EPHB2: variants seen among roughly 807,000 people sequenced by gnomAD.
EPHB2 encodes the protein EPH receptor B2.
In EPHB2, 18 loss-of-function variants were observed where a neutral mutation model predicts 96.4. The ratio of observed to expected loss-of-function variants is 0.19; its 90% CI spans 0.13 to 0.28. The LOEUF (loss-of-function observed/expected upper bound fraction) is 0.28. Ranked by LOEUF, EPHB2 falls within the 10% of genes least tolerant of loss-of-function variation. The pLI, the probability that EPHB2 is intolerant of heterozygous loss-of-function variation, is 1.00. For synonymous variants in EPHB2, 506 were observed against 534.1 expected (o/e 0.95, Z 0.72); for missense variants, 989 against 1,355.4 (o/e 0.73, Z 4.25).
chr1:22,865,971 A>G (rs1360937123), intron 5 of EPHB2, among the ~76,000 whole-genome samples: 1 of 151,328 alleles, frequency 6.6e-6, no homozygotes, highest in East Asian at 1.9e-4. Flanking sequence ...GTTGCCGGCC[A>G]CCACAGTCTC....
intron 5 of EPHB2, among the ~76,000 whole-genome samples, chr1:22,879,293 CT>C (rs1638951706): frequency 6.6e-6 from 1 of 152,218 alleles, no homozygotes; most frequent in African/African-American, 2.4e-5. Context: ...GATTGGGGTG[CT>C]TCCCGGGCCA....
At chr1:22,797,792 C>G (rs1293394919) in intron 3 of EPHB2, among the ~76,000 whole-genome samples, 1 of 152,180 alleles carries the variant, frequency 6.6e-6, no homozygotes, top group Non-Finnish European at 1.5e-5. Context: ...TCTCACCTTT[C>G]TGACCGGTCT....
Position 22,914,032 on chromosome 1 carries a change from G to T in EPHB2, c.*462G>T. ...GCCGCCCTTGGCTCCTGTCCCTGCT[G>T]CTCCTCTAGGCCTCACTCAACAACC... On this transcript the variant is annotated 3_prime_UTR_variant, in exon 16 of 16. Coordinates refer to ENST00000374630, the MANE Select transcript of EPHB2 (RefSeq NM_017449.5). The T allele has an allele frequency of 5.5e-6, 5 of 914,696 alleles. No individual in the cohort carries two copies. The South Asian group carries it at 9.2e-5, about 17-fold the overall frequency. 56.7% of individuals were successfully genotyped at this position (914,696 alleles called of 1,614,324 possible).
chr1:22,724,698 A>G (rs1643543734), intron 1 of EPHB2, among the ~76,000 whole-genome samples: 1 of 152,194 alleles, frequency 6.6e-6, no homozygotes, highest in Non-Finnish European at 1.5e-5. Flanking sequence ...CCATCAGAGC[A>G]CAGCCCAGAG....
intron 9 of EPHB2, among the ~76,000 whole-genome samples, chr1:22,900,468 TA>T (rs147690045): frequency 1.1e-3 from 163 of 152,260 alleles, no homozygotes; most frequent in African/African-American, 2.2e-3. Context: ...TCACTTTGAA[TA>T]GGGGGAAACT....
chr1:22,913,470 T>G lies in EPHB2; in HGVS notation c.2861T>G (p.Leu954Arg), dbSNP rs1216691886. The part of the protein sequence containing the change: ...VVSQMMMEDI[L>R]RVGVTLAGHQ... ...GTGCTTCTCTCCCAAAGGGACATTC[T>G]CCGGGTTGGGGTCACTTTGGCTGGC... Residue 954 changes from leucine (L) to arginine (R), a missense_variant, in exon 16 of 16, where the codon CTC (leucine) becomes CGC (arginine). Transcript: ENST00000374630. This position sits in a 1 kb window ranked among gnomAD's most constrained non-coding sequence, Gnocchi z 4.1. 1 of 1,614,102 alleles carries G rather than the reference T, an allele frequency of 6.2e-7. No homozygotes were observed.
chr1:22,786,969 G>A (rs2148428138), intron 3 of EPHB2, among the ~76,000 whole-genome samples: 1 of 152,334 alleles, frequency 6.6e-6, no homozygotes, highest in Non-Finnish European at 1.5e-5. Flanking sequence ...CAGTGTGTGG[G>A]TGGCAGAACA....
intron 1 of EPHB2, among the ~76,000 whole-genome samples, chr1:22,738,174 A>G (rs1391980055): frequency 6.6e-6 from 1 of 152,220 alleles, no homozygotes; most frequent in Non-Finnish European, 1.5e-5. Flanking sequence ...GATGATTTAT[A>G]CAGAAGCACA....
At chr1:22,904,561 C>A in intron 9 of EPHB2, among the ~76,000 whole-genome samples, 1 of 152,106 alleles carries the variant, frequency 6.6e-6, no homozygotes, top group East Asian at 1.9e-4. Flanking sequence ...AAACAAATAC[C>A]CACACAAATA....
chr1:22,731,921 G>A (rs1036407660), intron 1 of EPHB2, among the ~76,000 whole-genome samples: 4 of 152,194 alleles, frequency 2.6e-5, no homozygotes, highest in African/African-American at 7.2e-5. Context: ...GCTTTTGTGC[G>A]GCCTGTGCCC....
intron 1 of EPHB2, among the ~76,000 whole-genome samples, chr1:22,722,962 G>C (rs186692829): frequency 6.6e-6 from 1 of 152,224 alleles, no homozygotes; most frequent in Non-Finnish European, 1.5e-5. Flanking sequence ...TAGGAGGCCC[G>C]TGAGTGTGTG....
Position 22,898,118 on chromosome 1 carries a change from CAAA to C in EPHB2, c.1765+1654_1765+1656del, listed in dbSNP as rs61075593. Among the ~76,000 whole-genome samples the C allele has an allele frequency of 5.7e-3, 362 of 63,748 alleles. 2 individuals are homozygous for C. The highest frequency in any genetic ancestry group is 0.013 in the African/African-American group (339 of 26,376). 41.8% of individuals were successfully genotyped at this position (63,748 alleles called of 152,430 possible). A position where few individuals can be genotyped will look rare whatever the true frequency, so the allele number is the denominator to read the frequency against. On this transcript the variant is annotated intron_variant, in intron 9 of 15. Transcript: ENST00000374630. ...TGGGTGACAGAGCAAGACCCAGTCT[CAAA>C]AAAAAAAAAAAAACAAAAGAAAAAA...
At chr1:22,887,994 A>G (rs577772555) in intron 6 of EPHB2, among the ~76,000 whole-genome samples, 21 of 152,234 alleles carry the variant, frequency 1.4e-4, no homozygotes, top group African/African-American at 5.1e-4. Flanking sequence ...TTTAATGAAC[A>G]TGGGAAAGGG....
intron 7 of EPHB2, among the ~76,000 whole-genome samples, chr1:22,893,804 C>T (rs778979735): frequency 7.9e-5 from 12 of 152,212 alleles, no homozygotes; most frequent in Non-Finnish European, 1.6e-4. Flanking sequence ...AGGGTTGGCA[C>T]TAAGTCCCAA....
chr1:22,735,267 A>T lies in EPHB2; in HGVS notation c.61+24224A>T, dbSNP rs538606345. Among the ~76,000 whole-genome samples the T allele has an allele frequency of 3.3e-5, 5 of 152,058 alleles. No individual in the cohort carries two copies. In the East Asian group the frequency reaches 9.7e-4, roughly 29 times the overall value. ...AGCTTGGGCAACACAGTGTGACCCC[A>T]TCTCTACTAAATTTTTTTTTAATTA... On this transcript the variant is annotated intron_variant, in intron 1 of 15. Transcript: ENST00000374630.
At chr1:22,719,210 C>A (rs947345856) in intron 1 of EPHB2, among the ~76,000 whole-genome samples, 13 of 152,072 alleles carry the variant, frequency 8.5e-5, no homozygotes, top group Non-Finnish European at 1.5e-5. Flanking sequence ...GCTCATCAGG[C>A]CTTCACAGCC....
intron 2 of EPHB2, among the ~76,000 whole-genome samples, chr1:22,782,181 T>C (rs1644542696): frequency 6.6e-6 from 1 of 152,164 alleles, no homozygotes; most frequent in South Asian, 2.1e-4. Flanking sequence ...TTCCTTAATC[T>C]CTCTGAGCTT....
At position 22,913,931 on chromosome 1, in the gene EPHB2, A is replaced by G. The variant is rs1225126994; in HGVS notation, c.*361A>G. ...CGGAGACAAAAGCAGTTTCTCTCCAACTCCCTCTGGGAAGGTGACCTGGCC... is the reference window on the plus strand; with the variant it reads ...CGGAGACAAAAGCAGTTTCTCTCCAGCTCCCTCTGGGAAGGTGACCTGGCC... On this transcript the variant is annotated 3_prime_UTR_variant, in exon 16 of 16. Transcript: ENST00000374630. This position sits in a 1 kb window ranked among gnomAD's most constrained non-coding sequence, Gnocchi z 4.1. The G allele has an allele frequency of 3.4e-6, 5 of 1,488,068 alleles. No individual in the cohort carries two copies. Among genetic ancestry groups the G allele is most frequent in the Middle Eastern group, 1.8e-4 (1 of 5,612 alleles). The allele number at this position is 1,488,068 out of a possible 1,614,324, so 92.2% of individuals were successfully genotyped here.
At chr1:22,788,050 T>G (rs1644637197) in intron 3 of EPHB2, among the ~76,000 whole-genome samples, 1 of 152,190 alleles carries the variant, frequency 6.6e-6, no homozygotes, top group African/African-American at 2.4e-5. Flanking sequence ...TTTTATAACC[T>G]AATCCAGAAG....
Sources: gnomAD v4.1 joint callset for allele counts (sites outside exome capture counted in the v4.1 genomes callset) on GRCh38, gnomAD v4.1.1 for gene constraint, Gnocchi (gnomAD v3.1) non-coding constraint, MANE v1.5 for transcripts, NCBI Gene and HGNC (gene_info 2026-07-23, HGNC 2026-07-21) for gene names.